Variants in POC1B observed in about 807,000 individuals in gnomAD.
The protein encoded by POC1B is POC1 centriolar protein homolog B.
A neutral mutation model predicts 60.6 loss-of-function variants in POC1B; 44 were observed. The ratio of observed to expected loss-of-function variants is 0.73; its 90% CI spans 0.57 to 0.93. The LOEUF is 0.93. POC1B is among the 40% of genes least tolerant of loss of function. POC1B has a pLI of 0.00. For synonymous variants in POC1B, 180 were observed against 198.9 expected, an observed-to-expected ratio of 0.90 and a Z score of 0.80; for missense variants, 555 against 572.3, an observed-to-expected ratio of 0.97 and a Z score of 0.31.
chr12:89,500,575 T>A, intron 2 of POC1B: 1 of 1,605,350 alleles, frequency 6.2e-7, no homozygotes, highest in Non-Finnish European at 8.5e-7. Context: ...CACCTTCTGT[T>A]CTTTTGGATG....
chr12:89,421,290 G>A, intron 11 of POC1B, 33 bp from the exon 12 acceptor site: 1 of 1,504,734 alleles, frequency 6.6e-7, no homozygotes, highest in Non-Finnish European at 9.2e-7. Flanking sequence ...ATCAATGCCT[G>A]GTCCTCTGGT....
At chr12:89,403,486 C>T in the POC1B span, among the ~76,000 whole-genome samples, 1 of 152,046 alleles carries the variant, frequency 6.6e-6, no homozygotes, top group Non-Finnish European at 1.5e-5. Flanking sequence ...TAAAGCCTAC[C>T]TCTGGTTAAA....
intron 3 of POC1B, among the ~76,000 whole-genome samples, chr12:89,496,041 G>A (rs561385455): frequency 8.5e-5 from 13 of 152,182 alleles, no homozygotes; most frequent in African/African-American, 2.6e-4. Flanking sequence ...GATTACAGGC[G>A]TGAGCCACTG....
rs563002901 is a variant in POC1B, at chr12:89,504,127, C to T, written c.101-6785G>A. Among the ~76,000 whole-genome samples, 370 of 152,032 alleles carry T rather than the reference C, an allele frequency of 2.4e-3. 2 individuals carry two copies. In the Middle Eastern group the frequency reaches 0.037, roughly 15 times the overall value. On this transcript the variant is annotated intron_variant, in intron 2 of 11. Transcript: ENST00000313546. ...GGTGTACCCAACAGCTCATTGAGAA[C>T]GGGCCATGATGACGATGGCGGTTTT...
chr12:89,466,777 G>T lies in POC1B; in HGVS notation c.1025C>A (p.Thr342Asn). 1 of 1,611,760 alleles carries T rather than the reference G, an allele frequency of 6.2e-7. No homozygotes were observed. The highest frequency in any genetic ancestry group is 2.2e-5 in the East Asian group (1 of 44,738). Residue 342 changes from threonine (T) to asparagine (N), a missense_variant, in exon 9 of 12, where the codon ACT (threonine) becomes AAT (asparagine). Physicochemically the swap from Thr to Asn is moderately conservative, Grantham distance 65. Transcript: ENST00000313546. The part of the protein sequence containing the change: ...TPHPHEEKVE[T>N]VEINPKLEVI... ...TATGAACAAAATACTCACTTCTACA[G>T]TCTCAACTTTTTCCTCATGGGGATG...
intron 10 of POC1B, 147 bp downstream of exon 10, chr12:89,459,491 G>T (rs1882392024): frequency 2.1e-4 from 58 of 276,888 alleles, no homozygotes; most frequent in Middle Eastern, 7.3e-4. Flanking sequence ...TTGTAAATAT[G>T]ACTATAAAGT....
intron 2 of POC1B, among the ~76,000 whole-genome samples, chr12:89,498,880 G>A (rs554861232): frequency 3.9e-5 from 6 of 152,062 alleles, no homozygotes; most frequent in Non-Finnish European, 7.4e-5. Flanking sequence ...CACATAGTAG[G>A]GAAGACAGCA....
chr12:89,510,890 T>G (rs1241112349), intron 2 of POC1B, among the ~76,000 whole-genome samples: 1 of 151,496 alleles, frequency 6.6e-6, no homozygotes, highest in Non-Finnish European at 1.5e-5. Flanking sequence ...CCCAAGCAGC[T>G]GGGACTACAG....
chr12:89,408,425 A>C, the POC1B span, among the ~76,000 whole-genome samples: 1 of 151,434 alleles, frequency 6.6e-6, no homozygotes, highest in African/African-American at 2.4e-5. Context: ...TCCCACCGAC[A>C]GTGTAAAAGC....
chr12:89,482,363 AC>A (rs1246742410), intron 4 of POC1B, among the ~76,000 whole-genome samples: 1 of 152,212 alleles, frequency 6.6e-6, no homozygotes, highest in Non-Finnish European at 1.5e-5. Flanking sequence ...GGTCAAACAT[AC>A]ATGAATCTGG....
the POC1B span, among the ~76,000 whole-genome samples, chr12:89,410,393 C>T: frequency 6.6e-6 from 1 of 152,014 alleles, no homozygotes. Context: ...TGAAAACCGG[C>T]ACAAGGTCGG....
chr12:89,501,318 G>C lies in POC1B; in HGVS notation c.101-3976C>G. 8.0e-6 allele frequency: 8 copies of C among 1,001,278 alleles called. No individual in the cohort carries two copies. The South Asian group carries it at 1.0e-4, about 13-fold the overall frequency. The allele number at this position is 1,001,278 out of a possible 1,614,324, so 62.0% of individuals were successfully genotyped here. On this transcript the variant is annotated intron_variant, in intron 2 of 11. Transcript: ENST00000313546. ...CTACAAAATATGAAATGTATTCCAA[G>C]AATGCAGAAAAATCATCTGGAAGCA... is the stretch of plus-strand genomic sequence containing the variant.
intron 2 of POC1B, among the ~76,000 whole-genome samples, chr12:89,511,760 C>T (rs4842491): frequency 0.72 from 110,159 of 152,088 alleles, 39,990 homozygotes; most frequent in Middle Eastern, 0.82. Flanking sequence ...GACATACATC[C>T]ATAAACGTAG....
At chr12:89,441,112 C>T (rs148209484) in intron 10 of POC1B, among the ~76,000 whole-genome samples, 1 of 152,206 alleles carries the variant, frequency 6.6e-6, no homozygotes, top group Non-Finnish European at 1.5e-5. Flanking sequence ...AACAAAGTTG[C>T]CAGGAAGCTC....
At chr12:89,519,448 TC>T (rs756333853) in intron 2 of POC1B, 4 of 152,198 alleles carry the variant, frequency 2.6e-5, no homozygotes, top group Non-Finnish European at 5.9e-5. Context: ...TTATTTTACA[TC>T]TTAATCAACA....
At chr12:89,452,092 T>A (rs1882065601) in intron 10 of POC1B, among the ~76,000 whole-genome samples, 1 of 152,128 alleles carries the variant, frequency 6.6e-6, no homozygotes, top group Non-Finnish European at 1.5e-5. Flanking sequence ...ATGTTTCTCT[T>A]CCACAGGAAG....
chr12:89,465,520 T>G (rs747501035), intron 9 of POC1B, among the ~76,000 whole-genome samples: 1 of 152,092 alleles, frequency 6.6e-6, no homozygotes, highest in Non-Finnish European at 1.5e-5. Context: ...AAAAAAATAC[T>G]CAAGTTAAAT....
At chr12:89,523,300 T>G (rs766764537) in intron 2 of POC1B, 5 of 1,614,064 alleles carry the variant, frequency 3.1e-6, no homozygotes, top group Non-Finnish European at 3.4e-6. Flanking sequence ...TCTCAACCGC[T>G]CTCGTAGTAA....
At chr12:89,469,513 C>CA (rs1285464520) in intron 7 of POC1B, among the ~76,000 whole-genome samples, 1 of 152,144 alleles carries the variant, frequency 6.6e-6, no homozygotes, top group Non-Finnish European at 1.5e-5. Context: ...TCACAGGCAA[C>CA]ACTAGACAAG....
Sources: allele counts gnomAD v4.1 joint callset (sites outside exome capture counted in the v4.1 genomes callset), GRCh38; gene constraint gnomAD v4.1.1; transcripts MANE v1.5; gene names NCBI Gene and HGNC (gene_info 2026-07-23, HGNC 2026-07-21).